Variants in NPRL3 observed in about 807,000 individuals in gnomAD.
The protein encoded by NPRL3 is GATOR1 complex protein NPRL3.
Under a neutral mutation model 57.2 loss-of-function variants are expected in NPRL3, and 23 were observed. The observed-to-expected ratio is 0.40, with a 90% CI of 0.29 to 0.57. The LOEUF is 0.57. Among genes scored for constraint, NPRL3 ranks in the 20% least tolerant of loss-of-function variants. The pLI is 0.42. For missense variants in NPRL3, 691 were observed against 767.1 expected, an observed-to-expected ratio of 0.90 and a Z score of 1.17; for synonymous variants, 333 against 321.1, an observed-to-expected ratio of 1.04 and a Z score of -0.39.
rs1366607614 is a variant in NPRL3, at chr16:85,825, TA to T, written c.*879del. 13 of 1,437,642 alleles carry T rather than the reference TA, an allele frequency of 9.0e-6. No individual in the cohort carries two copies. The highest frequency in any genetic ancestry group is 1.2e-5 in the Non-Finnish European group (13 of 1,093,062). The allele number at this position is 1,437,642 out of a possible 1,614,324, so 89.1% of individuals were successfully genotyped here. A position where few individuals can be genotyped will look rare whatever the true frequency, so the allele number is the denominator to read the frequency against. ...ATTTTTTAATTGTTTAAAAACCGAATAAATGTTTTATTTCTAGAAAACTGTG... is the reference window on the plus strand; with the variant it reads ...ATTTTTTAATTGTTTAAAAACCGAATAATGTTTTATTTCTAGAAAACTGTG... On this transcript the variant is annotated 3_prime_UTR_variant, in exon 14 of 14. Coordinates refer to ENST00000611875, the MANE Select transcript of NPRL3 (RefSeq NM_001077350.3).
At chr16:126,422 A>G (rs1326171626) in intron 3 of NPRL3, 2 of 124,428 alleles carry the variant, frequency 1.6e-5, no homozygotes, top group African/African-American at 2.6e-5. Flanking sequence ...ACTACGTCTC[A>G]AAATAATAAT....
chr16:91,379 C>A (rs945524934), intron 11 of NPRL3, among the ~76,000 whole-genome samples: 3 of 152,126 alleles, frequency 2.0e-5, no homozygotes, highest in Non-Finnish European at 4.4e-5. Flanking sequence ...TAAATAAAAT[C>A]AATAAACCAA....
At chr16:92,244 G>A (rs1369729015) in intron 11 of NPRL3, among the ~76,000 whole-genome samples, 1 of 152,102 alleles carries the variant, frequency 6.6e-6, no homozygotes. Context: ...TCATCTGTAG[G>A]CAGTCCCCAG....
intron 7 of NPRL3, among the ~76,000 whole-genome samples, chr16:103,513 C>T (rs953343186): frequency 1.3e-5 from 2 of 151,822 alleles, no homozygotes; most frequent in Non-Finnish European, 2.9e-5. Context: ...AATCAGAATA[C>T]GGAGGCTCCT....
rs746389609 is a variant in NPRL3, at chr16:88,686, A to G, written c.1544+12T>C. 7 of 1,604,476 alleles carry G rather than the reference A, an allele frequency of 4.4e-6. No homozygotes were observed. In the Admixed American group the frequency reaches 5.0e-5, roughly 12 times the overall value. ...AACTGGCCCCAGTCCCAACGGGTCA[A>G]CCTACACCCACCTGGCAAACATGCG... On this transcript the variant is annotated intron_variant, in intron 13 of 13. Transcript: ENST00000611875.
chr16:120,189 C>A (rs1056468677), intron 3 of NPRL3, among the ~76,000 whole-genome samples: 1 of 152,196 alleles, frequency 6.6e-6, no homozygotes, highest in African/African-American at 2.4e-5. Flanking sequence ...CCATACATAT[C>A]TCTCCACCCA....
chr16:86,118 CA>C lies in NPRL3; in HGVS notation c.*586del, dbSNP rs1283764458. The C allele has an allele frequency of 4.5e-5, 11 of 244,260 alleles. No homozygotes were observed. The Admixed American group carries it at 5.1e-4, about 11-fold the overall frequency. The allele number at this position is 244,260 out of a possible 1,614,324, so 15.1% of individuals were successfully genotyped here. On this transcript the variant is annotated 3_prime_UTR_variant, in exon 14 of 14. Coordinates refer to ENST00000611875, the MANE Select transcript of NPRL3 (RefSeq NM_001077350.3). ...GTGCCCCAGATGGTCAGGACCAGGT[CA>C]CAGCTTGGCTATGAGCCTGTTTGCG...
At chr16:101,945 C>T (rs544194270) in intron 7 of NPRL3, among the ~76,000 whole-genome samples, 26 of 152,340 alleles carry the variant, frequency 1.7e-4, no homozygotes, top group Non-Finnish European at 3.5e-4. Context: ...CCAACCAGAA[C>T]TCACTCCTGA....
chr16:137,610 C>T (rs972244626), intron 2 of NPRL3, among the ~76,000 whole-genome samples: 1 of 150,978 alleles, frequency 6.6e-6, no homozygotes, highest in African/African-American at 2.4e-5. Context: ...AATCCAGTGG[C>T]GCGATCTCGG....
At chr16:117,499 G>C in intron 4 of NPRL3, 124 bp from the exon 5 acceptor site, 2 of 653,380 alleles carry the variant, frequency 3.1e-6, no homozygotes, top group South Asian at 2.0e-5. Flanking sequence ...GAAAAGCAAT[G>C]AATGCCTTTG....
intron 2 of NPRL3, among the ~76,000 whole-genome samples, chr16:131,541 A>G (rs1450332991): frequency 1.5e-5 from 2 of 132,822 alleles, no homozygotes; most frequent in Non-Finnish European, 3.1e-5. Context: ...GCTACTCAGG[A>G]GGATGAGGAT....
At chr16:102,147 G>A (rs898076778) in intron 7 of NPRL3, among the ~76,000 whole-genome samples, 2 of 151,540 alleles carry the variant, frequency 1.3e-5, no homozygotes, top group African/African-American at 2.4e-5. Flanking sequence ...TCATCCCCTC[G>A]GGGAACCACA....
intron 8 of NPRL3, among the ~76,000 whole-genome samples, chr16:98,580 C>G (rs971400274): frequency 6.6e-6 from 1 of 152,212 alleles, no homozygotes; most frequent in African/African-American, 2.4e-5. Context: ...AGCCTCCTGG[C>G]CCTTAACTGC....
In NPRL3 at chr16:85,646, G is replaced by A. The variant is rs1271976685; in HGVS notation, c.*1059C>T. 1 of 1,591,068 alleles carries A rather than the reference G, an allele frequency of 6.3e-7. No individual in the cohort carries two copies. The highest frequency in any genetic ancestry group is 8.6e-7 in the Non-Finnish European group (1 of 1,164,424). Reference sequence around the variant, plus strand: ...TCCCCTGGAGCCCAGTGAGCCGGCTGTAGTGGCAGCAGCCCGGGTGGGCGT... The same window carrying A: ...TCCCCTGGAGCCCAGTGAGCCGGCTATAGTGGCAGCAGCCCGGGTGGGCGT... On this transcript the variant is annotated 3_prime_UTR_variant, in exon 14 of 14. Coordinates refer to ENST00000611875, the MANE Select transcript of NPRL3 (RefSeq NM_001077350.3).
intron 13 of NPRL3, among the ~76,000 whole-genome samples, chr16:87,456 C>G (rs566774598): frequency 6.6e-6 from 1 of 151,802 alleles, no homozygotes; most frequent in African/African-American, 2.4e-5. Context: ...AGGCTGGTCT[C>G]GAACTCCTGA....
At chr16:113,166 C>T (rs1899891040) in intron 5 of NPRL3, among the ~76,000 whole-genome samples, 2 of 152,202 alleles carry the variant, frequency 1.3e-5, no homozygotes, top group Admixed American at 6.5e-5. Flanking sequence ...ACAGAACCTG[C>T]CCTGAGCAAA....
chr16:123,026 C>G (rs758303403), intron 3 of NPRL3, among the ~76,000 whole-genome samples: 4 of 152,242 alleles, frequency 2.6e-5, no homozygotes, highest in Non-Finnish European at 5.9e-5. Context: ...ATTAAGCACA[C>G]TCAATAGCAT....
At chr16:108,588 T>C (rs985557194) in intron 7 of NPRL3, among the ~76,000 whole-genome samples, 6 of 152,218 alleles carry the variant, frequency 3.9e-5, no homozygotes, top group African/African-American at 1.4e-4. Context: ...GTGGGGGCAG[T>C]TGCGGCTCAC....
chr16:124,739 G>C (rs145773139), intron 3 of NPRL3, among the ~76,000 whole-genome samples: 1 of 152,238 alleles, frequency 6.6e-6, no homozygotes, highest in East Asian at 1.9e-4. Flanking sequence ...AAAACATCTG[G>C]GCTTTTGCAC....
Sources: allele counts gnomAD v4.1 joint callset (sites outside exome capture counted in the v4.1 genomes callset), GRCh38; gene constraint gnomAD v4.1.1; transcripts MANE v1.5; gene names NCBI Gene and HGNC (gene_info 2026-07-23, HGNC 2026-07-21).